The following ANKRD24 variants were observed in gnomAD, a reference collection of about 807,000 sequenced individuals.
The protein encoded by ANKRD24 is ankyrin repeat domain-containing protein 24.
ANKRD24 carries 109 observed loss-of-function variants against 127.8 expected under a neutral mutation model. The observed-to-expected ratio is 0.85, with a 90% CI of 0.73 to 1.00. The LOEUF (loss-of-function observed/expected upper bound fraction) is 1.00. Among genes scored for constraint, ANKRD24 ranks in the 50% least tolerant of loss-of-function variants. The pLI, the probability that ANKRD24 is intolerant of heterozygous loss-of-function variation, is 0.00. For missense variants in ANKRD24, 1,648 were observed against 1,570.2 expected (o/e 1.05, Z -0.84); for synonymous variants, 743 against 671.1 (o/e 1.11, Z -1.66).
In ANKRD24 at chr19:4,216,832, G is replaced by A. The variant is rs61738959; in HGVS notation, c.1672G>A (p.Gly558Arg). The part of the protein sequence containing the change: ...GSVAPETKVN[G>R]AETIDEEAAG... Reference sequence around the variant, plus strand: ...AGTGGCTCCAGAAACCAAAGTTAACGGAGCCGAGACCATAGATGAGGAGGC... The same window carrying A: ...AGTGGCTCCAGAAACCAAAGTTAACAGAGCCGAGACCATAGATGAGGAGGC... Residue 558 changes from glycine to arginine, a missense_variant, in exon 18 of 22, where the codon GGA becomes AGA. Physicochemically the swap from Gly to Arg is moderately radical, Grantham distance 125. Transcript: ENST00000318934. The A allele has an allele frequency of 3.2e-3, 5,223 of 1,609,758 alleles. 149 individuals carry two copies. The African/African-American group carries it at 0.06, about 18-fold the overall frequency.
In ANKRD24 at chr19:4,200,101, G is replaced by A. The variant is rs201105748; in HGVS notation, c.273G>A (p.Met91Ile). 1.3e-3 allele frequency: 2,034 copies of A among 1,600,062 alleles called. 5 individuals carry two copies. Among genetic ancestry groups the A allele is most frequent in the Non-Finnish European group, 1.2e-3 (1,451 of 1,173,508 alleles). ...EGKSAFHLAA[M>I]RGAASCLEVM... is the part of the protein sequence containing the mutation. The stretch of plus-strand genomic sequence containing the variant: ...CCTCCAGGTTCCACCTGGCGGCCAT[G>A]CGGGGTGCGGCCAGCTGTCTGGAGG... Residue 91 changes from methionine (M) to isoleucine (I), a missense_variant, in exon 5 of 22, where the codon ATG (methionine) becomes ATA (isoleucine). Coordinates refer to ENST00000318934, the MANE Select transcript of ANKRD24 (RefSeq NM_001393985.1).
chr19:4,186,863 C>T (rs912819163), intron 2 of ANKRD24, among the ~76,000 whole-genome samples: 26 of 152,140 alleles, frequency 1.7e-4, no homozygotes, highest in African/African-American at 4.8e-4. Context: ...ATATAGCAGG[C>T]GCTGTTCCAG....
rs1249234561 is a variant in ANKRD24, at chr19:4,218,173, G to GC, written c.3003+11dup. On this transcript the variant is annotated intron_variant, in intron 18 of 21. Transcript: ENST00000318934. ...CGCAGAGGTCTTCCAGGTGAGCAGGGCTGGTCACCACCCGGGCCCCACCCC... is the reference window on the plus strand; with the variant it reads ...CGCAGAGGTCTTCCAGGTGAGCAGGGCCTGGTCACCACCCGGGCCCCACCCC... The GC allele has an allele frequency of 1.2e-5, 18 of 1,462,790 alleles. No homozygotes were observed. Among genetic ancestry groups the GC allele is most frequent in the Admixed American group, 2.5e-5 (1 of 40,000 alleles). The allele number at this position is 1,462,790 out of a possible 1,614,324, so 90.6% of individuals were successfully genotyped here. A position where few individuals can be genotyped will look rare whatever the true frequency, so the allele number is the denominator to read the frequency against.
At chr19:4,188,617 A>G (rs1407143359) in intron 2 of ANKRD24, among the ~76,000 whole-genome samples, 1 of 151,910 alleles carries the variant, frequency 6.6e-6, no homozygotes, top group African/African-American at 2.4e-5. Context: ...CCTGGCCTCA[A>G]GCGATCCTCC....
chr19:4,203,965 T>TACC, intron 7 of ANKRD24, among the ~76,000 whole-genome samples: 1 of 131,740 alleles, frequency 7.6e-6, no homozygotes, highest in African/African-American at 2.8e-5. Flanking sequence ...CCCTTTTTTT[T>TACC]TTTTTTTTTT....
At chr19:4,208,690 A>T in intron 10 of ANKRD24, 74 bp from the exon 11 acceptor site, 1 of 1,472,056 alleles carries the variant, frequency 6.8e-7, no homozygotes, top group Non-Finnish European at 9.3e-7. Flanking sequence ...GCCCCCTACA[A>T]GTCCCTGGGG....
intron 5 of ANKRD24, 91 bp from the exon 6 acceptor site, chr19:4,201,935 A>G: frequency 8.8e-7 from 1 of 1,140,392 alleles, no homozygotes; most frequent in Non-Finnish European, 1.3e-6. Context: ...CTAGACTCAG[A>G]AACTCATCAC....
rs1347493843 is a variant in ANKRD24 at position 4,219,721 on chromosome 19, A to C, written c.3134A>C (p.Gln1045Pro). ...ERARQAQSRA[Q>P]EALDKAKEKD... ...GCTCGCCAGGCCCAGAGCCGGGCCC[A>C]GGAGGCTCTGGACAAGGCCAAGGAG... Residue 1045 changes from glutamine to proline, a missense_variant, in exon 19 of 22, where the codon CAG (glutamine) becomes CCG (proline). Gln to Pro is a moderately conservative substitution (Grantham distance 76, BLOSUM62 -1). Coordinates refer to ENST00000318934, the MANE Select transcript of ANKRD24 (RefSeq NM_001393985.1). 15 of 1,613,024 alleles carry C rather than the reference A, an allele frequency of 9.3e-6. No individual in the cohort carries two copies. Among genetic ancestry groups the C allele is most frequent in the Non-Finnish European group, 1.3e-5 (15 of 1,179,574 alleles).
rs1373295354 is a variant in ANKRD24, at chr19:4,183,845, T to TGCGGTGAGCCGGAGATC, written c.-37+1109_-37+1125dup. Among the ~76,000 whole-genome samples, 16 of 151,970 alleles carry TGCGGTGAGCCGGAGATC rather than the reference T, an allele frequency of 1.1e-4. No individual in the cohort carries two copies. In the East Asian group the frequency reaches 3.1e-3, roughly 29 times the overall value. On this transcript the variant is annotated intron_variant, in intron 1 of 21. Transcript: ENST00000318934. The stretch of plus-strand genomic sequence containing the variant: ...TTGCTTGAACCCAGGAGGCGGAGAT[T>TGCGGTGAGCCGGAGATC]GCGGTGAGCCGGAGATCGCGCCATT...
chr19:4,219,871 G>A, intron 19 of ANKRD24, 113 bp downstream of exon 19: 1 of 1,257,316 alleles, frequency 8.0e-7, no homozygotes, highest in Non-Finnish European at 1.1e-6. Flanking sequence ...CCATTTTCCA[G>A]AAGGGAAACT....
Position 4,198,440 on chromosome 19 carries a change from C to T in ANKRD24, c.37-1243C>T, listed in dbSNP as rs1277182081. Reference sequence around the variant, plus strand: ...CCGCGGTCCCTCCAGACCCTCTGGCCGCCGCCTCCTCTTGGAACCCCGTGC... The same window carrying T: ...CCGCGGTCCCTCCAGACCCTCTGGCTGCCGCCTCCTCTTGGAACCCCGTGC... On this transcript the variant is annotated intron_variant, in intron 2 of 21. Transcript: ENST00000318934. This position sits in a 1 kb window ranked among gnomAD's most constrained non-coding sequence, Gnocchi z 6.1. 6.7e-6 allele frequency: 4 copies of T among 598,990 alleles called. No individual in the cohort carries two copies. Among genetic ancestry groups the T allele is most frequent in the South Asian group, 1.8e-5 (1 of 54,866 alleles). The allele number at this position is 598,990 out of a possible 1,614,324, so 37.1% of individuals were successfully genotyped here. A position where few individuals can be genotyped will look rare whatever the true frequency, so the allele number is the denominator to read the frequency against.
At chr19:4,209,490 C>A (rs919517732) in intron 11 of ANKRD24, among the ~76,000 whole-genome samples, 1 of 151,740 alleles carries the variant, frequency 6.6e-6, no homozygotes, top group Non-Finnish European at 1.5e-5. Flanking sequence ...CGCCCTGTCA[C>A]CCAGGCTGGA....
intron 13 of ANKRD24, among the ~76,000 whole-genome samples, chr19:4,211,455 A>G (rs1969734214): frequency 6.6e-6 from 1 of 152,070 alleles, no homozygotes. Flanking sequence ...CCTGGCCAAC[A>G]TAGTGAAACC....
chr19:4,202,213 C>A, intron 6 of ANKRD24, 123 bp downstream of exon 6: 5 of 862,192 alleles, frequency 5.8e-6, no homozygotes, highest in Non-Finnish European at 9.4e-6. Flanking sequence ...TACTCCAGAA[C>A]CCTAGCTACT....
In ANKRD24 at chr19:4,216,585, G is replaced by T. The variant is rs61742307; in HGVS notation, c.1425G>T (p.Met475Ile). Residue 475 changes from methionine to isoleucine, a missense_variant, in exon 18 of 22, where the codon ATG (methionine) becomes ATT (isoleucine). Physicochemically the swap from Met to Ile is conservative, Grantham distance 10. Coordinates refer to ENST00000318934, the MANE Select transcript of ANKRD24 (RefSeq NM_001393985.1). ...LENFEKDETQ[M>I]EVEALAEVIP... ...ACTTTGAGAAGGACGAGACACAGAT[G>T]GAAGTGGAAGCTTTGGCAGAGGTCA... is the stretch of plus-strand genomic sequence containing the variant. The T allele has an allele frequency of 1.6e-4, 253 of 1,611,894 alleles. No individual in the cohort carries two copies. The African/African-American group carries it at 3.0e-3, about 19-fold the overall frequency.
At chr19:4,190,159 G>C (rs1457888554) in intron 2 of ANKRD24, among the ~76,000 whole-genome samples, 1 of 152,144 alleles carries the variant, frequency 6.6e-6, no homozygotes, top group Admixed American at 6.6e-5. Context: ...GTATAGGCTG[G>C]GCGTGGTGGC....
intron 18 of ANKRD24, 45 bp downstream of exon 18, chr19:4,218,208 C>T: frequency 1.4e-6 from 2 of 1,400,964 alleles, no homozygotes; most frequent in Non-Finnish European, 1.9e-6. Context: ...CCATTGGCCA[C>T]GTGGCGGCCT....
In ANKRD24 at chr19:4,222,667, C is replaced by G. The variant is rs770421858; in HGVS notation, c.3172-3C>G. The G allele has an allele frequency of 6.3e-7, 1 of 1,599,280 alleles. No homozygotes were observed. The highest frequency in any genetic ancestry group is 8.6e-7 in the Non-Finnish European group (1 of 1,168,794). ...TGATCGCTGACAGCACCTGCACCCTCAGATCACAGAACTCTCCAAAGAAGT... is the reference window on the plus strand; with the variant it reads ...TGATCGCTGACAGCACCTGCACCCTGAGATCACAGAACTCTCCAAAGAAGT... On this transcript the variant is annotated splice_polypyrimidine_tract_variant and splice_region_variant and intron_variant, in intron 19 of 21. Coordinates refer to ENST00000318934, the MANE Select transcript of ANKRD24 (RefSeq NM_001393985.1).
Position 4,195,165 on chromosome 19 carries a change from C to T in ANKRD24, c.37-4518C>T, listed in dbSNP as rs186773946. Among the ~76,000 whole-genome samples the T allele has an allele frequency of 3.0e-4, 45 of 151,508 alleles. No homozygotes were observed. The highest frequency in any genetic ancestry group is 1.2e-3 in the South Asian group (6 of 4,818). On this transcript the variant is annotated intron_variant, in intron 2 of 21. Coordinates refer to ENST00000318934, the MANE Select transcript of ANKRD24 (RefSeq NM_001393985.1). The surrounding 1 kb of genome is among the most constrained non-coding windows in gnomAD (Gnocchi z 4.2). ...TCTGCTCACTGCAAGCTCCGCCTCC[C>T]GGGTGCACGCCATTCTCCTGCCTCA...
Sources: gnomAD v4.1 joint callset for allele counts (sites outside exome capture counted in the v4.1 genomes callset) on GRCh38, gnomAD v4.1.1 for gene constraint, Gnocchi (gnomAD v3.1) non-coding constraint, MANE v1.5 for transcripts, NCBI Gene and HGNC (gene_info 2026-07-23, HGNC 2026-07-21) for gene names.